Variants in PRAMEF11 observed in about 807,000 individuals in gnomAD.
The protein encoded by PRAMEF11 is PRAME family member 11.
In PRAMEF11, 17 loss-of-function variants were observed where a neutral mutation model predicts 33.6. That is an observed-to-expected ratio of 0.51 (90% confidence interval 0.35 to 0.76). The LOEUF is 0.76. PRAMEF11 is among the 30% of genes least tolerant of loss of function. PRAMEF11 has a pLI of 0.01. For missense variants in PRAMEF11, 568 were observed against 567.0 expected, an observed-to-expected ratio of 1.00 and a Z score of -0.02; for synonymous variants, 205 against 227.3, an observed-to-expected ratio of 0.90 and a Z score of 0.88.
chr1:12,826,629 G>A (rs1221544159), intron 3 of PRAMEF11, among the ~76,000 whole-genome samples: 5 of 151,088 alleles, frequency 3.3e-5, no homozygotes, highest in Admixed American at 2.0e-4. Context: ...AGGTGTGGTG[G>A]CCCACGCCTG....
At chr1:12,828,421 C>G (rs1310646888) in intron 2 of PRAMEF11, 76 bp downstream of exon 2, 1 of 1,493,228 alleles carries the variant, frequency 6.7e-7, no homozygotes, top group Non-Finnish European at 9.1e-7. Context: ...CTTGGGCCTC[C>G]TCACTTCACA....
At chr1:12,828,850 A>T (rs866893160) in intron 1 of PRAMEF11, 45 bp from the exon 2 acceptor site, 7 of 1,603,864 alleles carry the variant, frequency 4.4e-6, no homozygotes, top group Non-Finnish European at 4.3e-6. Context: ...TCTCAGGCCA[A>T]GCCCATGCAA....
chr1:12,828,078 C>A (rs56153954), intron 2 of PRAMEF11, among the ~76,000 whole-genome samples: 1 of 150,012 alleles, frequency 6.7e-6, no homozygotes, highest in Non-Finnish European at 1.5e-5. Flanking sequence ...CTCTTCTTCC[C>A]GGGTTCAAAT....
intron 2 of PRAMEF11, 73 bp from the exon 3 acceptor site, chr1:12,827,903 C>A (rs1447295037): frequency 5.0e-6 from 8 of 1,590,154 alleles, no homozygotes; most frequent in Non-Finnish European, 6.8e-6. Flanking sequence ...TCCTGCATAG[C>A]AGCTCCTCCC....
At chr1:12,830,650 C>G (rs1247552495) in intron 1 of PRAMEF11, among the ~76,000 whole-genome samples, 10 of 149,212 alleles carry the variant, frequency 6.7e-5, no homozygotes, top group South Asian at 2.2e-4. Flanking sequence ...ACCCAAATAG[C>G]TGGGACTACA....
At position 12,828,350 on chromosome 1, in the gene PRAMEF11, C is replaced by T. The variant is rs967780910; in HGVS notation, c.293+147G>A. 3.6e-6 allele frequency: 5 copies of T among 1,407,164 alleles called. No homozygotes were observed. In the African/African-American group the frequency reaches 4.4e-5, roughly 13 times the overall value. 87.2% of individuals were successfully genotyped at this position (1,407,164 alleles called of 1,614,324 possible). A position where few individuals can be genotyped will look rare whatever the true frequency, so the allele number is the denominator to read the frequency against. ...TATGGACCTTGCCTGGTGAGCAGTG[C>T]TTTCCCTGAGGAGCTGGTGAATGGC... On this transcript the variant is annotated intron_variant, in intron 2 of 3. Transcript: ENST00000619922.
In PRAMEF11 at chr1:12,825,151, A is replaced by T. The variant is rs267597973; in HGVS notation, c.1228T>A (p.Leu410Ile). 1 of 1,609,000 alleles carries T rather than the reference A, an allele frequency of 6.2e-7. No homozygotes were observed. Among genetic ancestry groups the T allele is most frequent in the Non-Finnish European group, 8.5e-7 (1 of 1,177,710 alleles). The change falls in exon 4 of 4, where the codon TTA becomes ATA. Residue 410 changes from leucine (L) to isoleucine (I), a missense_variant. Around this residue, in one of 3 missense-constraint regions of PRAMEF11, gnomAD observed 174 missense variants for 127.2 expected, o/e 1.37. Transcript: ENST00000619922. ...LLSHTIILKN[L>I]CLELYPAPQE... ...GGGGCAGGATACAGCTCCAGGCATA[A>T]GTTTTTGAGTATGATTGTGTGGCTC... is the stretch of plus-strand genomic sequence containing the variant.
At chr1:12,829,915 C>G (rs1421693922) in intron 1 of PRAMEF11, among the ~76,000 whole-genome samples, 2 of 151,196 alleles carry the variant, frequency 1.3e-5, no homozygotes, top group Non-Finnish European at 1.5e-5. Context: ...TAATCTCTAC[C>G]CAGTTAATCC....
rs1463095392 is a variant in PRAMEF11, at chr1:12,826,327, T to C, written c.876-824A>G. ...TTACCTGGAGCTCAAAAGAAACTTT[T>C]ACAATGGGAATTAGAGATGGGATCA... On this transcript the variant is annotated intron_variant, in intron 3 of 3. Transcript: ENST00000619922. Among the ~76,000 whole-genome samples the C allele has an allele frequency of 5.6e-5, 7 of 124,702 alleles. No individual in the cohort carries two copies. In the East Asian group the frequency reaches 1.5e-3, roughly 26 times the overall value. 81.8% of individuals were successfully genotyped at this position (124,702 alleles called of 152,430 possible).
chr1:12,828,113 G>C (rs1034393654), intron 2 of PRAMEF11, among the ~76,000 whole-genome samples: 63 of 149,768 alleles, frequency 4.2e-4, no homozygotes, highest in Non-Finnish European at 8.0e-4. Context: ...AACCTCACAA[G>C]TAGCTGGGAT....
At position 12,824,688 on chromosome 1, in the gene PRAMEF11, CTGAAT is replaced by C; in HGVS notation, c.*249_*253del. ...GTAACTCCCTCATGTATTCTCAAGC[CTGAAT>C]TCCACTCTAGACATTCAGATTCCCA... is the stretch of plus-strand genomic sequence containing the variant. On this transcript the variant is annotated 3_prime_UTR_variant, in exon 4 of 4. Coordinates refer to ENST00000619922, the MANE Select transcript of PRAMEF11 (RefSeq NM_001146344.3). 1.9e-6 allele frequency: 1 copy of C among 523,712 alleles called. No individual in the cohort carries two copies. Among genetic ancestry groups the C allele is most frequent in the South Asian group, 2.3e-5 (1 of 43,626 alleles). The allele number at this position is 523,712 out of a possible 1,614,324, so 32.4% of individuals were successfully genotyped here. A position where few individuals can be genotyped will look rare whatever the true frequency, so the allele number is the denominator to read the frequency against.
At chr1:12,829,407 T>A (rs147339181) in intron 1 of PRAMEF11, among the ~76,000 whole-genome samples, 8,504 of 149,176 alleles carry the variant, frequency 0.057, 823 homozygotes, top group African/African-American at 0.2. Context: ...TCTCTCTCCC[T>A]CTCTCACTCT....
In PRAMEF11 at chr1:12,828,731, A is replaced by T; in HGVS notation, c.59T>A (p.Leu20Gln). 1 of 1,610,218 alleles carries T rather than the reference A, an allele frequency of 6.2e-7. No individual in the cohort carries two copies. Among genetic ancestry groups the T allele is most frequent in the South Asian group, 1.1e-5 (1 of 90,442 alleles). ...RLLELAGRSL[L>Q]RDQALAVSTL... ...GGAGACGGCCAAGGCTTGGTCCCTCAGCAGGCTCCGCCCCGCAAGCTCCAG... is the reference window on the plus strand; with the variant it reads ...GGAGACGGCCAAGGCTTGGTCCCTCTGCAGGCTCCGCCCCGCAAGCTCCAG... Residue 20 changes from leucine (L) to glutamine (Q), a missense_variant, in exon 2 of 4, where the codon CTG (leucine) becomes CAG (glutamine). This residue lies in a region of PRAMEF11 where 342 missense variants were observed against 312.0 expected (regional missense o/e 1.10). Coordinates refer to ENST00000619922, the MANE Select transcript of PRAMEF11 (RefSeq NM_001146344.3).
rs1557608734 is a variant in PRAMEF11, at chr1:12,825,216, C to T, written c.1163G>A (p.Cys388Tyr). 2 of 1,607,568 alleles carry T rather than the reference C, an allele frequency of 1.2e-6. No homozygotes were observed. The highest frequency in any genetic ancestry group is 1.7e-6 in the Non-Finnish European group (2 of 1,177,578). The change falls in exon 4 of 4, where the codon TGT becomes TAT. Residue 388 changes from cysteine to tyrosine, a missense_variant. This residue lies in a region of PRAMEF11 where 174 missense variants were observed against 127.2 expected (regional missense o/e 1.37). Coordinates refer to ENST00000619922, the MANE Select transcript of PRAMEF11 (RefSeq NM_001146344.3). Reference protein sequence around the residue: ...RCFELNTFSFCGNPICMATLE... With the variant: ...RCFELNTFSFYGNPICMATLE... ...GGTGGCCATGCAGATGGGATTTCCA[C>T]AGAAGCTGAAGGTGTTGAGCTCAAA...
At chr1:12,830,121 A>C (rs1639975010) in intron 1 of PRAMEF11, among the ~76,000 whole-genome samples, 1 of 151,364 alleles carries the variant, frequency 6.6e-6, no homozygotes, top group Admixed American at 6.6e-5. Flanking sequence ...TCCTGATATT[A>C]GACAGAAAGA....
In PRAMEF11 at chr1:12,828,675, G is replaced by C. The variant is rs776439896; in HGVS notation, c.115C>G (p.Pro39Ala). 1.9e-6 allele frequency: 3 copies of C among 1,610,534 alleles called. No individual in the cohort carries two copies. In the East Asian group the frequency reaches 6.7e-5, roughly 36 times the overall value. The change falls in exon 2 of 4, where the codon CCC becomes GCC. Residue 39 changes from proline to alanine, a missense_variant. By Grantham distance (27) the Pro-to-Ala change is conservative. Around this residue, in one of 3 missense-constraint regions of PRAMEF11, gnomAD observed 342 missense variants for 312.0 expected, o/e 1.10. Coordinates refer to ENST00000619922, the MANE Select transcript of PRAMEF11 (RefSeq NM_001146344.3). ...TLEELPTELF[P>A]PLFMEAFSRR... ...CTGAAGGCCTCCATGAACAGTGGGG[G>C]GAAAAGTTCCGTGGGCAGCTCCTCC...
At position 12,828,555 on chromosome 1, in the gene PRAMEF11, C is replaced by T. The variant is rs200349667; in HGVS notation, c.235G>A (p.Ala79Thr). The T allele has an allele frequency of 1.1e-5, 18 of 1,605,728 alleles. 1 individual carries two copies. The East Asian group carries it at 1.6e-4, about 14-fold the overall frequency. ...RPLIKMPCLE[A>T]FQAVLDGLDA... ...AGCCCATCGAGCACAGCTTGGAAGG[C>T]CTCCAGACAAGGCATCTTTATCAGA... Residue 79 changes from alanine (A) to threonine (T), a missense_variant, in exon 2 of 4, where the codon GCC (alanine) becomes ACC (threonine). Ala to Thr is a moderately conservative substitution (Grantham distance 58). Around this residue, in one of 3 missense-constraint regions of PRAMEF11, gnomAD observed 342 missense variants for 312.0 expected, o/e 1.10. Transcript: ENST00000619922.
rs754533300 is a variant in PRAMEF11 at position 12,827,521 on chromosome 1, C to T, written c.603G>A (p.Leu201=). Residue 201 remains leucine, a synonymous_variant, in exon 3 of 4, where the codon CTG becomes CTA. Transcript: ENST00000619922. ...GMPFRNIRSI[L]KMVNLDCIQE... The stretch of plus-strand genomic sequence containing the variant: ...GGATACAGTCTAGGTTCACCATTTT[C>T]AGGATGCTTCTGATATTGCGGAAGG... 18 of 1,611,240 alleles carry T rather than the reference C, an allele frequency of 1.1e-5. No homozygotes were observed. The South Asian group carries it at 1.9e-4, about 17-fold the overall frequency.
At chr1:12,828,869 T>C in intron 1 of PRAMEF11, 64 bp from the exon 2 acceptor site, 4 of 1,599,728 alleles carry the variant, frequency 2.5e-6, no homozygotes, top group Non-Finnish European at 2.6e-6. Context: ...AATCTCATCT[T>C]CTCCCAGGGC....
Sources: gnomAD v4.1 joint callset for allele counts (sites outside exome capture counted in the v4.1 genomes callset) on GRCh38, gnomAD v4.1.1 for gene constraint, gnomAD v4.1.1 regional missense constraint, MANE v1.5 for transcripts, NCBI Gene and HGNC (gene_info 2026-07-23, HGNC 2026-07-21) for gene names.